The following GRIN2A variants were observed in gnomAD, a reference collection of about 807,000 sequenced individuals.
GRIN2A encodes the protein glutamate receptor ionotropic, NMDA 2A.
A neutral mutation model predicts 113.4 loss-of-function variants in GRIN2A; 22 were observed. That is an observed-to-expected ratio of 0.19 (90% CI 0.14 to 0.28). GRIN2A has a LOEUF of 0.28. Ranked by LOEUF, GRIN2A falls within the 10% of genes least tolerant of loss-of-function variation. GRIN2A has a pLI of 1.00. For synonymous variants in GRIN2A, 827 were observed against 738.4 expected (o/e 1.12, Z -1.94); for missense variants, 1,502 against 1,887.0 (o/e 0.80, Z 3.78).
intron 2 of GRIN2A, among the ~76,000 whole-genome samples, chr16:9,978,611 C>T (rs996149585): frequency 1.3e-5 from 2 of 152,064 alleles, no homozygotes; most frequent in African/African-American, 4.8e-5. Context: ...AAGAACATTA[C>T]ATTTCTTCCA....
At chr16:9,805,125 C>A (rs751479455) in intron 10 of GRIN2A, among the ~76,000 whole-genome samples, 5 of 152,094 alleles carry the variant, frequency 3.3e-5, no homozygotes, top group African/African-American at 1.2e-4. Flanking sequence ...TGTTTACTGG[C>A]AAATCTAATT....
intron 2 of GRIN2A, among the ~76,000 whole-genome samples, chr16:10,078,869 A>C (rs1001988343): frequency 7.2e-5 from 11 of 152,318 alleles, no homozygotes; most frequent in Admixed American, 3.9e-4. Context: ...TGGCTGACTG[A>C]CTGCCTGCCA....
chr16:10,038,034 C>T (rs1193356186), intron 2 of GRIN2A, among the ~76,000 whole-genome samples: 1 of 152,184 alleles, frequency 6.6e-6, no homozygotes, highest in African/African-American at 2.4e-5. Flanking sequence ...CTGCCTTAGT[C>T]TGTTCAGGCT....
Position 9,759,017 on chromosome 16 carries a change from A to C in GRIN2A, c.*4132T>G, listed in dbSNP as rs1388756409. The C allele has an allele frequency of 1.8e-5, 4 of 221,894 alleles. No individual in the cohort carries two copies. The highest frequency in any genetic ancestry group is 2.7e-5 in the Non-Finnish European group (3 of 110,922). The allele number at this position is 221,894 out of a possible 1,614,324, so 13.7% of individuals were successfully genotyped here. A position where few individuals can be genotyped will look rare whatever the true frequency, so the allele number is the denominator to read the frequency against. On this transcript the variant is annotated 3_prime_UTR_variant, in exon 13 of 13. Transcript: ENST00000330684. ...CATGTCTACTATAGCCATGGTTAAT[A>C]CAAACAGGCTCCATTTCAGAAACAA...
intron 4 of GRIN2A, among the ~76,000 whole-genome samples, chr16:9,852,290 C>G (rs766101057): frequency 6.6e-6 from 1 of 152,166 alleles, no homozygotes; most frequent in Non-Finnish European, 1.5e-5. Flanking sequence ...GTGAATTGAG[C>G]TACAGTAACC....
intron 2 of GRIN2A, among the ~76,000 whole-genome samples, chr16:10,072,198 T>C (rs2142033420): frequency 6.6e-6 from 1 of 152,326 alleles, no homozygotes; most frequent in Middle Eastern, 3.4e-3. Context: ...TTAAGCATCA[T>C]GAGGCTGTTG....
chr16:10,081,996 T>G (rs1027450267), intron 2 of GRIN2A, among the ~76,000 whole-genome samples: 1 of 152,222 alleles, frequency 6.6e-6, no homozygotes, highest in Non-Finnish European at 1.5e-5. Flanking sequence ...GAACCCTTAT[T>G]TTTTCATAGG....
chr16:9,942,497 G>T (rs1244280989), intron 2 of GRIN2A, among the ~76,000 whole-genome samples: 1 of 152,198 alleles, frequency 6.6e-6, no homozygotes, highest in African/African-American at 2.4e-5. Flanking sequence ...AGAATGGGAT[G>T]AAAAGGTAGA....
At position 9,786,556 on chromosome 16, in the gene GRIN2A, G is replaced by T. The variant is rs562843821; in HGVS notation, c.2356+11721C>A. ...CATTAGTAAAAGAGGAAGGAGCACTGACTCTGGGGTGTGACCTACCTGTGT... is the reference window on the plus strand; with the variant it reads ...CATTAGTAAAAGAGGAAGGAGCACTTACTCTGGGGTGTGACCTACCTGTGT... On this transcript the variant is annotated intron_variant, in intron 11 of 12. Transcript: ENST00000330684. Among the ~76,000 whole-genome samples, 5 of 152,318 alleles carry T rather than the reference G, an allele frequency of 3.3e-5. No homozygotes were observed. The East Asian group carries it at 9.6e-4, about 29-fold the overall frequency.
chr16:10,023,042 T>A (rs147021510), intron 2 of GRIN2A, among the ~76,000 whole-genome samples: 1 of 152,188 alleles, frequency 6.6e-6, no homozygotes, highest in Non-Finnish European at 1.5e-5. Context: ...TTAACTTTCT[T>A]GCTTAAACAA....
At chr16:10,104,729 C>A (rs1309028435) in intron 2 of GRIN2A, among the ~76,000 whole-genome samples, 1 of 152,110 alleles carries the variant, frequency 6.6e-6, no homozygotes, top group African/African-American at 2.4e-5. Flanking sequence ...AAATAAATAT[C>A]CAGCCTTAAA....
At chr16:9,993,047 C>A (rs558812220) in intron 2 of GRIN2A, among the ~76,000 whole-genome samples, 1 of 145,804 alleles carries the variant, frequency 6.9e-6, no homozygotes, top group Non-Finnish European at 1.5e-5. Context: ...AAAACCTCAT[C>A]TCTACCAAAA....
chr16:10,161,142 A>G (rs1019936729), intron 2 of GRIN2A, among the ~76,000 whole-genome samples: 4 of 152,164 alleles, frequency 2.6e-5, no homozygotes, highest in African/African-American at 9.7e-5. Context: ...TAATCATGAG[A>G]ATGGTTACCC....
chr16:9,907,275 C>T (rs183719248), intron 3 of GRIN2A, among the ~76,000 whole-genome samples: 1 of 152,262 alleles, frequency 6.6e-6, no homozygotes, highest in Admixed American at 6.5e-5. Context: ...CAATGAAATA[C>T]AATATGGGAA....
intron 3 of GRIN2A, among the ~76,000 whole-genome samples, chr16:9,906,931 C>G (rs779886233): frequency 5.3e-5 from 8 of 152,188 alleles, no homozygotes; most frequent in Non-Finnish European, 1.2e-4. Context: ...CGGCCTCAAC[C>G]TCCGGGGCTC....
intron 2 of GRIN2A, among the ~76,000 whole-genome samples, chr16:10,083,814 A>C (rs1024254773): frequency 6.6e-6 from 1 of 152,232 alleles, no homozygotes; most frequent in African/African-American, 2.4e-5. Context: ...AAAAATAGGC[A>C]TTCAGGGCTG....
intron 3 of GRIN2A, among the ~76,000 whole-genome samples, chr16:9,925,327 C>T (rs2044440164): frequency 6.6e-6 from 1 of 152,166 alleles, no homozygotes; most frequent in Non-Finnish European, 1.5e-5. Context: ...GCGGCTAACC[C>T]TCACTCCACG....
At chr16:10,029,524 A>G (rs1421354147) in intron 2 of GRIN2A, among the ~76,000 whole-genome samples, 2 of 152,264 alleles carry the variant, frequency 1.3e-5, no homozygotes, top group Non-Finnish European at 2.9e-5. Flanking sequence ...TTTTAAAAAA[A>G]AGAACAAGAA....
intron 2 of GRIN2A, among the ~76,000 whole-genome samples, chr16:9,971,982 G>T (rs2045680034): frequency 6.7e-6 from 1 of 149,312 alleles, no homozygotes; most frequent in Non-Finnish European, 1.5e-5. Context: ...AACATCTAGT[G>T]GAAGAGCCAA....
Sources: allele counts gnomAD v4.1 joint callset (sites outside exome capture counted in the v4.1 genomes callset), GRCh38; gene constraint gnomAD v4.1.1; transcripts MANE v1.5; gene names NCBI Gene and HGNC (gene_info 2026-07-23, HGNC 2026-07-21).